Variants in GALNT13 observed in about 807,000 individuals in gnomAD.
GALNT13 encodes the protein polypeptide N-acetylgalactosaminyltransferase 13.
GALNT13 carries 28 observed loss-of-function variants against 64.2 expected under a neutral mutation model. The observed-to-expected ratio is 0.44, with a 90% CI of 0.32 to 0.60. The LOEUF (loss-of-function observed/expected upper bound fraction) is 0.60. Ranked by LOEUF, GALNT13 falls within the 20% of genes least tolerant of loss-of-function variation. GALNT13 has a pLI of 0.05. For synonymous variants in GALNT13, 214 were observed against 224.6 expected (o/e 0.95, Z 0.42); for missense variants, 577 against 669.8 (o/e 0.86, Z 1.53).
chr2:153,996,070 C>G (rs1695503274), intron 3 of GALNT13, among the ~76,000 whole-genome samples: 1 of 152,134 alleles, frequency 6.6e-6, no homozygotes, highest in African/African-American at 2.4e-5. Flanking sequence ...TTTATCCATT[C>G]ATTGGTTGAT....
the GALNT13 span, among the ~76,000 whole-genome samples, chr2:153,842,678 G>T: frequency 2.6e-5 from 4 of 151,058 alleles, no homozygotes; most frequent in Non-Finnish European, 5.9e-5. Flanking sequence ...GAATGCAAAA[G>T]TAAAAACTAA....
chr2:153,767,404 A>G, the GALNT13 span, among the ~76,000 whole-genome samples: 1 of 152,174 alleles, frequency 6.6e-6, no homozygotes, highest in Non-Finnish European at 1.5e-5. Context: ...TTGTACTGCA[A>G]TGAATGTATG....
intron 4 of GALNT13, among the ~76,000 whole-genome samples, chr2:154,148,120 C>G (rs1484230331): frequency 1.3e-5 from 2 of 152,006 alleles, no homozygotes; most frequent in Non-Finnish European, 2.9e-5. Context: ...GTTCCCCTTT[C>G]TGTGTCCATG....
intron 9 of GALNT13, among the ~76,000 whole-genome samples, chr2:154,392,755 T>C (rs1333416696): frequency 6.6e-6 from 1 of 152,206 alleles, no homozygotes; most frequent in Non-Finnish European, 1.5e-5. Flanking sequence ...ATTTGATTTG[T>C]ATTTTAAATA....
At chr2:153,188,099 A>G in the GALNT13 span, among the ~76,000 whole-genome samples, 18 of 152,126 alleles carry the variant, frequency 1.2e-4, no homozygotes, top group African/African-American at 4.1e-4. Context: ...CAGTAAAATC[A>G]TATTTACTGG....
chr2:154,369,028 A>G (rs180942840), intron 9 of GALNT13, among the ~76,000 whole-genome samples: 1 of 149,734 alleles, frequency 6.7e-6, no homozygotes, highest in African/African-American at 2.4e-5. Context: ...TGTTTTCAGG[A>G]TTATACTTAA....
At chr2:153,074,363 C>T in the GALNT13 span, among the ~76,000 whole-genome samples, 2 of 152,110 alleles carry the variant, frequency 1.3e-5, no homozygotes, top group Non-Finnish European at 2.9e-5. Flanking sequence ...AGGTGACTAA[C>T]AAGATTCATT....
the GALNT13 span, among the ~76,000 whole-genome samples, chr2:153,211,038 T>C: frequency 6.6e-6 from 1 of 152,212 alleles, no homozygotes; most frequent in Non-Finnish European, 1.5e-5. Context: ...TACCCAATTA[T>C]GTGGCAATTT....
chr2:153,097,677 C>T, the GALNT13 span, among the ~76,000 whole-genome samples: 1 of 152,114 alleles, frequency 6.6e-6, no homozygotes, highest in African/African-American at 2.4e-5. Context: ...TAATTTTTAT[C>T]AGATGTTGAG....
intron 3 of GALNT13, among the ~76,000 whole-genome samples, chr2:153,956,918 C>T (rs1692607879): frequency 6.6e-6 from 1 of 152,118 alleles, no homozygotes; most frequent in Non-Finnish European, 1.5e-5. Context: ...TAGACTATCT[C>T]CGAGAACCAA....
chr2:153,653,289 A>G, the GALNT13 span, among the ~76,000 whole-genome samples: 1 of 152,180 alleles, frequency 6.6e-6, no homozygotes. Flanking sequence ...CAGCTAATCC[A>G]CTAGGGAGCT....
At chr2:153,904,978 A>G (rs1297122992) in intron 2 of GALNT13, among the ~76,000 whole-genome samples, 4 of 151,890 alleles carry the variant, frequency 2.6e-5, no homozygotes, top group African/African-American at 4.8e-5. Flanking sequence ...TGGGTCTTTT[A>G]GGAGCCAACT....
At chr2:154,082,951 A>G (rs1428002604) in intron 3 of GALNT13, among the ~76,000 whole-genome samples, 2 of 151,132 alleles carry the variant, frequency 1.3e-5, no homozygotes, top group Admixed American at 6.6e-5. Flanking sequence ...TTTTGTTGCC[A>G]TTGCTTTTAG....
At chr2:154,153,368 G>A (rs933008865) in intron 4 of GALNT13, among the ~76,000 whole-genome samples, 2 of 152,254 alleles carry the variant, frequency 1.3e-5, no homozygotes, top group South Asian at 2.1e-4. Context: ...TAGGCTGCTC[G>A]GGGGTCAGGG....
Position 153,995,383 on chromosome 2 carries a change from C to CTGTTCATTT in GALNT13, c.142+50747_142+50755dup, listed in dbSNP as rs1373820886. ...TATACATAAAAATAAATACCACTGC[C>CTGTTCATTT]TGTTCATTTTGGAACCAAAGAAGGG... On this transcript the variant is annotated intron_variant, in intron 3 of 12. Transcript: ENST00000392825. Among the ~76,000 whole-genome samples, 3 of 151,992 alleles carry CTGTTCATTT rather than the reference C, an allele frequency of 2.0e-5. No homozygotes were observed. In the East Asian group the frequency reaches 5.8e-4, roughly 29 times the overall value.
At chr2:154,422,965 A>C (rs2105428811) in intron 11 of GALNT13, among the ~76,000 whole-genome samples, 1 of 152,138 alleles carries the variant, frequency 6.6e-6, no homozygotes, top group East Asian at 1.9e-4. Flanking sequence ...CACAATGTGC[A>C]GGTTTATTAT....
chr2:153,887,050 A>G (rs954145582), intron 1 of GALNT13, among the ~76,000 whole-genome samples: 10 of 151,978 alleles, frequency 6.6e-5, no homozygotes, highest in Non-Finnish European at 8.8e-5. Flanking sequence ...CATCTTTAAA[A>G]TGGAGATAAT....
chr2:154,169,077 G>T (rs780917443), intron 4 of GALNT13, among the ~76,000 whole-genome samples: 15 of 151,858 alleles, frequency 9.9e-5, no homozygotes, highest in Non-Finnish European at 2.1e-4. Flanking sequence ...TTAACAACCT[G>T]TTCTCTCAGG....
At chr2:154,376,871 C>A (rs749735467) in intron 9 of GALNT13, among the ~76,000 whole-genome samples, 10 of 152,004 alleles carry the variant, frequency 6.6e-5, no homozygotes, top group Non-Finnish European at 5.9e-5. Context: ...TTTGCAGATG[C>A]GTTCTCTCAG....
Sources: allele counts gnomAD v4.1 joint callset (sites outside exome capture counted in the v4.1 genomes callset), GRCh38; gene constraint gnomAD v4.1.1; transcripts MANE v1.5; gene names NCBI Gene and HGNC (gene_info 2026-07-23, HGNC 2026-07-21).